The following GRIK2 variants were observed in gnomAD, a reference collection of about 807,000 sequenced individuals.
The protein encoded by GRIK2 is glutamate receptor ionotropic, kainate 2.
In GRIK2, 32 loss-of-function variants were observed where a neutral mutation model predicts 100.3. The ratio of observed to expected loss-of-function variants is 0.32; its 90% CI spans 0.24 to 0.43. GRIK2 has a LOEUF of 0.43. Ranked by LOEUF, GRIK2 falls within the 20% of genes least tolerant of loss-of-function variation. The pLI is 1.00. For synonymous variants in GRIK2, 417 were observed against 389.4 expected, an observed-to-expected ratio of 1.07 and a Z score of -0.83; for missense variants, 843 against 1,114.9, an observed-to-expected ratio of 0.76 and a Z score of 3.47.
chr6:101,743,800 AAT>A (rs1776199878), intron 7 of GRIK2, among the ~76,000 whole-genome samples: 1 of 152,222 alleles, frequency 6.6e-6, no homozygotes, highest in Non-Finnish European at 1.5e-5. Flanking sequence ...ATATTTGCTT[AAT>A]ATGAGTATTA....
chr6:101,987,089 G>A (rs1197946571), intron 14 of GRIK2, among the ~76,000 whole-genome samples: 2 of 151,842 alleles, frequency 1.3e-5, no homozygotes, highest in Non-Finnish European at 2.9e-5. Flanking sequence ...TTTGCAATGA[G>A]CTATGATCAT....
intron 2 of GRIK2, among the ~76,000 whole-genome samples, chr6:101,523,788 G>A (rs1198482941): frequency 6.8e-6 from 1 of 146,402 alleles, no homozygotes; most frequent in Admixed American, 6.9e-5. Context: ...GGCATTATCT[G>A]GGCTCACTGC....
intron 10 of GRIK2, among the ~76,000 whole-genome samples, chr6:101,831,781 A>G (rs1416891463): frequency 1.3e-5 from 2 of 152,134 alleles, no homozygotes; most frequent in Admixed American, 6.6e-5. Context: ...TTGATATGCA[A>G]TGAAAATACT....
intron 2 of GRIK2, among the ~76,000 whole-genome samples, chr6:101,428,652 A>G (rs564155103): frequency 1.9e-4 from 29 of 152,226 alleles, no homozygotes; most frequent in Admixed American, 7.8e-4. Context: ...TTGACAAAGA[A>G]CCAAGTTTGA....
Position 101,417,847 on chromosome 6 carries a change from A to G in GRIK2, c.115+18455A>G, listed in dbSNP as rs890951186. Among the ~76,000 whole-genome samples, 4 of 152,358 alleles carry G rather than the reference A, an allele frequency of 2.6e-5. No individual in the cohort carries two copies. In the East Asian group the frequency reaches 7.7e-4, roughly 29 times the overall value. ...TGTGTAACCTTAGTCAAGTTACTCA[A>G]CATTTGAATGTCACTTTTCTTATTT... On this transcript the variant is annotated intron_variant, in intron 2 of 16. Coordinates refer to ENST00000369134, the MANE Select transcript of GRIK2 (RefSeq NM_021956.5).
At chr6:101,749,240 C>G (rs184759602) in intron 7 of GRIK2, among the ~76,000 whole-genome samples, 37 of 152,184 alleles carry the variant, frequency 2.4e-4, no homozygotes, top group Non-Finnish European at 3.4e-4. Context: ...TCCCGAGTAA[C>G]TGGGATTACA....
chr6:101,876,353 CTTTT>C (rs1413335255), intron 11 of GRIK2, among the ~76,000 whole-genome samples: 1 of 151,722 alleles, frequency 6.6e-6, no homozygotes, highest in Non-Finnish European at 1.5e-5. Flanking sequence ...AATCTGGATC[CTTTT>C]TTATAAATAA....
At chr6:101,506,991 C>T (rs1045425852) in intron 2 of GRIK2, among the ~76,000 whole-genome samples, 1 of 152,112 alleles carries the variant, frequency 6.6e-6, no homozygotes, top group Non-Finnish European at 1.5e-5. Context: ...GAGCCTATGA[C>T]ATCCCATGAA....
At chr6:101,936,962 A>G (rs1417171) in intron 14 of GRIK2, among the ~76,000 whole-genome samples, 5,213 of 152,230 alleles carry the variant, frequency 0.034, 317 homozygotes, top group African/African-American at 0.12. Flanking sequence ...ACACCATTTT[A>G]GGAATTATAA....
chr6:101,783,632 A>G (rs57050182), intron 7 of GRIK2, among the ~76,000 whole-genome samples: 2,483 of 152,298 alleles, frequency 0.016, 72 homozygotes, highest in African/African-American at 0.057. Flanking sequence ...GAAAGTGGGG[A>G]AAAGTTTGGA....
At chr6:102,024,061 G>A (rs1769567869) in intron 14 of GRIK2, among the ~76,000 whole-genome samples, 1 of 150,862 alleles carries the variant, frequency 6.6e-6, no homozygotes, top group Non-Finnish European at 1.5e-5. Context: ...AATTCATTTT[G>A]AAAGTAAAGT....
intron 4 of GRIK2, among the ~76,000 whole-genome samples, chr6:101,649,482 TACAG>T (rs1008255121): frequency 2.6e-5 from 4 of 151,994 alleles, no homozygotes; most frequent in African/African-American, 7.2e-5. Flanking sequence ...CAAGTGATCT[TACAG>T]ACAGCAACCA....
rs1164508835 is a variant in GRIK2, at chr6:101,567,080, CA to C, written c.116-54868del. 2.6e-5 allele frequency among the ~76,000 whole-genome samples: 4 copies of C among 151,570 alleles called. No individual in the cohort carries two copies. The East Asian group carries it at 5.8e-4, about 22-fold the overall frequency. On this transcript the variant is annotated intron_variant, in intron 2 of 16. Coordinates refer to ENST00000369134, the MANE Select transcript of GRIK2 (RefSeq NM_021956.5). Reference sequence around the variant, plus strand: ...GAAAGCTCTGTAATTTTTAGTGTATCATCAATATAAAGGTCAGAAACTGTTT... The same window carrying C: ...GAAAGCTCTGTAATTTTTAGTGTATCTCAATATAAAGGTCAGAAACTGTTT...
intron 7 of GRIK2, among the ~76,000 whole-genome samples, chr6:101,696,068 A>G (rs1253829052): frequency 6.6e-6 from 1 of 152,036 alleles, no homozygotes; most frequent in African/African-American, 2.4e-5. Context: ...TTGTTATTAA[A>G]TATTAGCTAT....
chr6:101,577,362 G>A (rs1232549331), intron 2 of GRIK2, among the ~76,000 whole-genome samples: 2 of 151,906 alleles, frequency 1.3e-5, no homozygotes, highest in African/African-American at 4.8e-5. Flanking sequence ...TTCATTGAAT[G>A]CTTTTAAATG....
At chr6:101,587,956 C>T (rs1778456434) in intron 2 of GRIK2, among the ~76,000 whole-genome samples, 1 of 151,914 alleles carries the variant, frequency 6.6e-6, no homozygotes, top group Non-Finnish European at 1.5e-5. Context: ...AACAAATAGG[C>T]AAATTTAAAT....
intron 10 of GRIK2, among the ~76,000 whole-genome samples, chr6:101,831,141 C>G (rs1216715106): frequency 6.6e-6 from 1 of 152,000 alleles, no homozygotes; most frequent in African/African-American, 2.4e-5. Flanking sequence ...AAATAAAACA[C>G]AAACTCTAGA....
intron 7 of GRIK2, among the ~76,000 whole-genome samples, chr6:101,793,276 G>C (rs916218333): frequency 1.3e-5 from 2 of 152,178 alleles, no homozygotes; most frequent in Non-Finnish European, 2.9e-5. Context: ...TGGAGGAGGA[G>C]AGGTGCTCTG....
At chr6:101,508,693 TA>T (rs1774142547) in intron 2 of GRIK2, among the ~76,000 whole-genome samples, 2 of 152,324 alleles carry the variant, frequency 1.3e-5, no homozygotes, top group Admixed American at 1.3e-4. Flanking sequence ...GATAACATTA[TA>T]ATTATTTTTA....
Sources: allele counts gnomAD v4.1 joint callset (sites outside exome capture counted in the v4.1 genomes callset), GRCh38; gene constraint gnomAD v4.1.1; transcripts MANE v1.5; gene names NCBI Gene and HGNC (gene_info 2026-07-23, HGNC 2026-07-21).